Variants in IQSEC3 observed in about 807,000 individuals in gnomAD.
IQSEC3 encodes the protein IQ motif and Sec7 domain ArfGEF 3.
In IQSEC3, 50 loss-of-function variants were observed where a neutral mutation model predicts 105.4. The observed-to-expected ratio is 0.47, with a 90% confidence interval of 0.38 to 0.60. The LOEUF (loss-of-function observed/expected upper bound fraction) is 0.60. Among genes scored for constraint, IQSEC3 ranks in the 20% least tolerant of loss-of-function variants. IQSEC3 has a pLI of 0.00. For missense variants in IQSEC3, 1,415 were observed against 1,630.0 expected, an observed-to-expected ratio of 0.87 and a Z score of 2.27; for synonymous variants, 708 against 746.0, an observed-to-expected ratio of 0.95 and a Z score of 0.83.
At chr12:149,780 G>A (rs1866431447) in intron 5 of IQSEC3, among the ~76,000 whole-genome samples, 1 of 152,210 alleles carries the variant, frequency 6.6e-6, no homozygotes, top group South Asian at 2.1e-4. Context: ...TGCAGGGTTG[G>A]GGCTGGGCAG....
chr12:156,892 A>G, intron 5 of IQSEC3, 133 bp from the exon 6 acceptor site: 2 of 1,144,152 alleles, frequency 1.7e-6, no homozygotes, highest in Non-Finnish European at 2.3e-6. Context: ...GGGGCATTAA[A>G]GGGCGACCCC....
chr12:162,035 G>A lies in IQSEC3; in HGVS notation c.2553G>A (p.Lys851=). Residue 851 remains lysine (K), a synonymous_variant, in exon 8 of 14, where the codon AAG becomes AAA. Coordinates refer to ENST00000538872, the MANE Select transcript of IQSEC3 (RefSeq NM_001170738.2). ...SNEDHVTYVT[K]VEKSIVGMKT... ...AGGACCACGTCACGTACGTCACCAA[G>A]GTGGAGAAGTCCATTGTGGGCATGA... The A allele has an allele frequency of 6.2e-7, 1 of 1,613,820 alleles. No homozygotes were observed. Among genetic ancestry groups the A allele is most frequent in the Non-Finnish European group, 8.5e-7 (1 of 1,179,990 alleles).
Position 162,026 on chromosome 12 carries a change from C to T in IQSEC3, c.2544C>T (p.Tyr848=), listed in dbSNP as rs529354107. The T allele has an allele frequency of 1.9e-5, 30 of 1,613,842 alleles. No individual in the cohort carries two copies. In the South Asian group the frequency reaches 2.3e-4, roughly 12 times the overall value. ...AGTCCAATGAGGACCACGTCACGTA[C>T]GTCACCAAGGTGGAGAAGTCCATTG... The part of the protein sequence containing the change: ...ELKSNEDHVT[Y]VTKVEKSIVG... Residue 848 remains tyrosine (Y), a synonymous_variant, in exon 8 of 14, where the codon TAC becomes TAT. Coordinates refer to ENST00000538872, the MANE Select transcript of IQSEC3 (RefSeq NM_001170738.2).
intron 2 of IQSEC3, among the ~76,000 whole-genome samples, chr12:115,071 A>G (rs1441426184): frequency 6.6e-6 from 1 of 152,246 alleles, no homozygotes; most frequent in Non-Finnish European, 1.5e-5. Flanking sequence ...CGTTAACTGC[A>G]GGGAAACAAG....
In IQSEC3 at chr12:125,857, C is replaced by T. The variant is rs1025177088; in HGVS notation, c.848C>T (p.Pro283Leu). 3.9e-6 allele frequency: 6 copies of T among 1,533,492 alleles called. No homozygotes were observed. Among genetic ancestry groups the T allele is most frequent in the East Asian group, 2.4e-5 (1 of 40,882 alleles). The allele number at this position is 1,533,492 out of a possible 1,614,324, so 95.0% of individuals were successfully genotyped here. The change falls in exon 3 of 14, where the codon CCC (proline) becomes CTC (leucine). Residue 283 changes from proline (P) to leucine (L), a missense_variant. Pro to Leu is a moderately conservative substitution (Grantham distance 98). Coordinates refer to ENST00000538872, the MANE Select transcript of IQSEC3 (RefSeq NM_001170738.2). ...QQPALATALC[P>L]HAPAASDYEL... ...CCTGCCCTGGCGACGGCGCTGTGCC[C>T]CCACGCCCCTGCCGCCTCCGATTAC...
chr12:162,543 A>T (rs1434751193), intron 8 of IQSEC3, among the ~76,000 whole-genome samples: 4 of 152,178 alleles, frequency 2.6e-5, no homozygotes, highest in Non-Finnish European at 5.9e-5. Context: ...ACTTCTCTGT[A>T]GGCTACTACA....
At chr12:159,618 G>A (rs1555095558) in intron 7 of IQSEC3, among the ~76,000 whole-genome samples, 1 of 152,122 alleles carries the variant, frequency 6.6e-6, no homozygotes, top group African/African-American at 2.4e-5. Context: ...CTGGCCTTTT[G>A]TCTGTTACTC....
chr12:174,250 T>C lies in IQSEC3; in HGVS notation c.3115-349T>C, dbSNP rs547938543. ...TGGGAGGGGCAAAGACTATAACCCC[T>C]GCTTTCAAGCTCAGAGTGTGGTGGA... On this transcript the variant is annotated intron_variant, in intron 13 of 13. Transcript: ENST00000538872. 8.1e-4 allele frequency among the ~76,000 whole-genome samples: 123 copies of C among 152,254 alleles called. 2 individuals are homozygous for C. The highest frequency in any genetic ancestry group is 2.9e-3 in the African/African-American group (120 of 41,548).
At chr12:81,971 G>A (rs545157444) in intron 1 of IQSEC3, among the ~76,000 whole-genome samples, 1 of 152,276 alleles carries the variant, frequency 6.6e-6, no homozygotes, top group Non-Finnish European at 1.5e-5. Context: ...CAGGTAATTG[G>A]TGACCTTGAA....
chr12:168,479 C>T (rs996295279), intron 11 of IQSEC3, among the ~76,000 whole-genome samples: 1 of 152,188 alleles, frequency 6.6e-6, no homozygotes, highest in African/African-American at 2.4e-5. Context: ...GTGCCAAGTG[C>T]GTTTCACACA....
At chr12:89,997 C>A (rs1864031459) in intron 1 of IQSEC3, among the ~76,000 whole-genome samples, 1 of 152,250 alleles carries the variant, frequency 6.6e-6, no homozygotes, top group Non-Finnish European at 1.5e-5. Flanking sequence ...AACTGCAAGA[C>A]TGTTTTCCAA....
chr12:160,787 G>C (rs969489097), intron 7 of IQSEC3, among the ~76,000 whole-genome samples: 1 of 152,166 alleles, frequency 6.6e-6, no homozygotes, highest in South Asian at 2.1e-4. Flanking sequence ...CTCTCTGCTG[G>C]TCTGGGTTCA....
Position 177,400 on chromosome 12 carries a change from T to C in IQSEC3, c.*2367T>C, listed in dbSNP as rs1219017074. ...TCAGCTGAAGCCCCAATCTTCCAAA[T>C]CGGAACCAGCAAGTCTTAGGGCTGG... On this transcript the variant is annotated 3_prime_UTR_variant, in exon 14 of 14. Transcript: ENST00000538872. The surrounding 1 kb of genome is among the most constrained non-coding windows in gnomAD (Gnocchi z 5.3). 2.0e-5 allele frequency: 3 copies of C among 152,114 alleles called. No homozygotes were observed. Among genetic ancestry groups the C allele is most frequent in the Non-Finnish European group, 4.4e-5 (3 of 68,056 alleles). The allele number at this position is 152,114 out of a possible 1,614,324, so 9.4% of individuals were successfully genotyped here.
Position 157,610 on chromosome 12 carries a change from A to C in IQSEC3, c.2359A>C (p.Ile787Leu). Residue 787 changes from isoleucine (I) to leucine (L), a missense_variant, in exon 7 of 14, where the codon ATC becomes CTC. Ile to Leu is a conservative substitution (Grantham distance 5). This residue lies in a region of IQSEC3 where 213 missense variants were observed against 306.2 expected (regional missense o/e 0.70). Coordinates refer to ENST00000538872, the MANE Select transcript of IQSEC3 (RefSeq NM_001170738.2). The part of the protein sequence containing the change: ...DTIFILAFAI[I>L]LLNTDMYSPN... ...CATCTTCATCCTCGCCTTCGCCATC[A>C]TCCTCCTCAACACCGACATGTACAG... 1 of 1,614,216 alleles carries C rather than the reference A, an allele frequency of 6.2e-7. No individual in the cohort carries two copies. The highest frequency in any genetic ancestry group is 8.5e-7 in the Non-Finnish European group (1 of 1,180,040).
chr12:146,465 A>G (rs1866274010), intron 5 of IQSEC3, among the ~76,000 whole-genome samples: 1 of 152,050 alleles, frequency 6.6e-6, no homozygotes, highest in African/African-American at 2.4e-5. Flanking sequence ...TGGGCAAAAG[A>G]GACCTCATCT....
chr12:129,329 T>C (rs1347905273), intron 3 of IQSEC3, among the ~76,000 whole-genome samples: 1 of 152,152 alleles, frequency 6.6e-6, no homozygotes, highest in Admixed American at 6.5e-5. Flanking sequence ...CCTTGCACAG[T>C]CTTGGGCACC....
At chr12:168,305 G>C (rs2137063606) in intron 11 of IQSEC3, among the ~76,000 whole-genome samples, 1 of 152,296 alleles carries the variant, frequency 6.6e-6, no homozygotes, top group African/African-American at 2.4e-5. Context: ...AGCACTGCAG[G>C]CTTGTAGCTT....
At chr12:128,263 C>T (rs141993395) in intron 3 of IQSEC3, among the ~76,000 whole-genome samples, 1 of 152,150 alleles carries the variant, frequency 6.6e-6, no homozygotes, top group South Asian at 2.1e-4. Flanking sequence ...TTTGCTTGAC[C>T]CCCTCCTTGA....
chr12:160,618 G>C (rs1050245416), intron 7 of IQSEC3, among the ~76,000 whole-genome samples: 6 of 152,124 alleles, frequency 3.9e-5, no homozygotes, highest in Non-Finnish European at 8.8e-5. Context: ...CCAGTCTTCT[G>C]CTGGAGTGAG....
Sources: allele counts gnomAD v4.1 joint callset (sites outside exome capture counted in the v4.1 genomes callset), GRCh38; gene constraint gnomAD v4.1.1; regional missense constraint gnomAD v4.1.1; non-coding constraint Gnocchi (gnomAD v3.1); transcripts MANE v1.5; gene names NCBI Gene and HGNC (gene_info 2026-07-23, HGNC 2026-07-21).